Variants in MGAT5 observed in about 807,000 individuals in gnomAD.
MGAT5 encodes the protein alpha-1,6-mannosylglycoprotein 6-beta-N-acetylglucosaminyltransferase.
In MGAT5, 30 loss-of-function variants were observed where a neutral mutation model predicts 94.3. The ratio of observed to expected loss-of-function variants is 0.32; its 90% CI spans 0.24 to 0.43. The LOEUF is 0.43. MGAT5 is among the 20% of genes least tolerant of loss of function. The pLI, the probability that MGAT5 is intolerant of heterozygous loss-of-function variation, is 1.00. For synonymous variants in MGAT5, 310 were observed against 322.9 expected (o/e 0.96, Z 0.43); for missense variants, 691 against 905.5 (o/e 0.76, Z 3.04).
chr2:134,453,962 G>A lies in MGAT5; in HGVS notation c.*5115G>A, dbSNP rs1396769598. On this transcript the variant is annotated 3_prime_UTR_variant, in exon 16 of 16. Coordinates refer to ENST00000281923, the MANE Select transcript of MGAT5 (RefSeq NM_002410.5). ...ATAGATTGCAGGTGTGGAATTTGCT[G>A]GAGTTTGGTGACTTCGTCAAATTCC... 1.3e-5 allele frequency: 2 copies of A among 152,208 alleles called. No homozygotes were observed. Among genetic ancestry groups the A allele is most frequent in the Non-Finnish European group, 2.9e-5 (2 of 68,050 alleles). 9.4% of individuals were successfully genotyped at this position (152,208 alleles called of 1,614,324 possible). A position where few individuals can be genotyped will look rare whatever the true frequency, so the allele number is the denominator to read the frequency against.
intron 6 of MGAT5, among the ~76,000 whole-genome samples, chr2:134,340,621 G>A (rs1241425452): frequency 2.0e-5 from 3 of 152,244 alleles, no homozygotes; most frequent in East Asian, 3.9e-4. Context: ...TATTTACCAG[G>A]CTCCTTCTTT....
intron 6 of MGAT5, among the ~76,000 whole-genome samples, chr2:134,339,903 A>G (rs2105996889): frequency 6.6e-6 from 1 of 152,316 alleles, no homozygotes. Context: ...CTGTAAAAAC[A>G]TCTTAAAACC....
At chr2:134,445,625 A>G (rs968903920) in intron 15 of MGAT5, among the ~76,000 whole-genome samples, 4 of 151,854 alleles carry the variant, frequency 2.6e-5, no homozygotes, top group Admixed American at 1.3e-4. Context: ...GCCTTTTTTT[A>G]TTCTTCAAGA....
intron 9 of MGAT5, among the ~76,000 whole-genome samples, chr2:134,358,172 T>A (rs1305513881): frequency 6.8e-6 from 1 of 146,310 alleles, no homozygotes; most frequent in Non-Finnish European, 1.5e-5. Context: ...CAGTCCTCTC[T>A]CTATCCATCA....
At chr2:134,276,894 G>A (rs758667469) in intron 2 of MGAT5, among the ~76,000 whole-genome samples, 10 of 152,280 alleles carry the variant, frequency 6.6e-5, no homozygotes, top group East Asian at 1.9e-4. Context: ...ATGGGGACAC[G>A]GACAGACCGT....
chr2:134,255,968 A>ATGTGTG (rs890044081), intron 1 of MGAT5, among the ~76,000 whole-genome samples: 1 of 148,826 alleles, frequency 6.7e-6, no homozygotes, highest in Non-Finnish European at 1.5e-5. Context: ...ACGTATGTGT[A>ATGTGTG]TGTGTGTGTG....
At chr2:134,362,143 A>G in intron 9 of MGAT5, 132 bp from the exon 10 acceptor site, 1 of 1,037,778 alleles carries the variant, frequency 9.6e-7, no homozygotes, top group Non-Finnish European at 1.4e-6. Flanking sequence ...CACCTCCCTC[A>G]GGTAAGAAAG....
At chr2:134,305,244 C>T (rs980286154) in intron 2 of MGAT5, among the ~76,000 whole-genome samples, 1 of 152,120 alleles carries the variant, frequency 6.6e-6, no homozygotes, top group Non-Finnish European at 1.5e-5. Flanking sequence ...TCAGTTTATG[C>T]GAGACGGTGA....
intron 14 of MGAT5, among the ~76,000 whole-genome samples, chr2:134,434,485 G>A (rs910385256): frequency 3.0e-4 from 46 of 152,314 alleles, no homozygotes; most frequent in African/African-American, 1.1e-3. Flanking sequence ...AACCAGATTG[G>A]AAATTACTGT....
chr2:134,396,750 G>A lies in MGAT5; in HGVS notation c.1381-6238G>A, dbSNP rs573859723. Reference sequence around the variant, plus strand: ...GCTTGTATTTACTGAGCGCTCGCTCGCCCTGTGCCAGGCCTCTGCCAAGCC... The same window carrying A: ...GCTTGTATTTACTGAGCGCTCGCTCACCCTGTGCCAGGCCTCTGCCAAGCC... On this transcript the variant is annotated intron_variant, in intron 10 of 15. Transcript: ENST00000281923. 3.9e-5 allele frequency among the ~76,000 whole-genome samples: 6 copies of A among 152,292 alleles called. No homozygotes were observed. The East Asian group carries it at 9.7e-4, about 25-fold the overall frequency.
intron 1 of MGAT5, among the ~76,000 whole-genome samples, chr2:134,177,339 T>G (rs1688521001): frequency 6.6e-6 from 1 of 152,164 alleles, no homozygotes; most frequent in Non-Finnish European, 1.5e-5. Context: ...CATCCTGCTG[T>G]AACTGTCATT....
intron 1 of MGAT5, among the ~76,000 whole-genome samples, chr2:134,152,303 CCCG>C (rs1687250579): frequency 9.1e-6 from 1 of 109,794 alleles, no homozygotes; most frequent in Non-Finnish European, 2.1e-5. Context: ...CACCATGGGA[CCCG>C]CTTATCACTC....
chr2:134,387,208 C>T (rs992829197), intron 10 of MGAT5, among the ~76,000 whole-genome samples: 1 of 149,850 alleles, frequency 6.7e-6, no homozygotes, highest in Non-Finnish European at 1.5e-5. Context: ...TTGCAGTGAG[C>T]CGAGATTGCT....
At chr2:134,186,992 G>T (rs1689073879) in intron 1 of MGAT5, among the ~76,000 whole-genome samples, 1 of 152,190 alleles carries the variant, frequency 6.6e-6, no homozygotes, top group Non-Finnish European at 1.5e-5. Flanking sequence ...TGAGCAGAGT[G>T]CCAAGGCAGT....
chr2:134,364,764 A>T (rs1312226203), intron 10 of MGAT5, among the ~76,000 whole-genome samples: 1 of 152,214 alleles, frequency 6.6e-6, no homozygotes, highest in Non-Finnish European at 1.5e-5. Flanking sequence ...AAAAGCCCAA[A>T]AGATGAAAAA....
chr2:134,448,436 C>T (rs190389266), intron 15 of MGAT5, among the ~76,000 whole-genome samples: 2 of 152,336 alleles, frequency 1.3e-5, no homozygotes, highest in East Asian at 3.9e-4. Context: ...CACACCCCTG[C>T]ACACACTCCC....
At chr2:134,121,677 A>T (rs1004699248) in intron 1 of MGAT5, among the ~76,000 whole-genome samples, 1 of 152,202 alleles carries the variant, frequency 6.6e-6, no homozygotes, top group Non-Finnish European at 1.5e-5. Context: ...GGGCAAACTC[A>T]GTTGTGTGTG....
intron 1 of MGAT5, among the ~76,000 whole-genome samples, chr2:134,182,806 A>G (rs1326044961): frequency 1.9e-4 from 8 of 43,026 alleles, no homozygotes; most frequent in Non-Finnish European, 3.1e-4. Context: ...TTTTTTTTTG[A>G]GACAGAGTCT....
At position 134,338,405 on chromosome 2, in the gene MGAT5, G is replaced by GAGAAAGCGGA. The variant is rs1332274179; in HGVS notation, c.799_807+1dup. The GAGAAAGCGGA allele has an allele frequency of 6.2e-7, 1 of 1,601,906 alleles. No individual in the cohort carries two copies. The highest frequency in any genetic ancestry group is 1.3e-5 in the African/African-American group (1 of 74,104). ...TGGCAGAAAAGCAGAACCTTGAAAA[G>GAGAAAGCGGA]AGAAAGCGGAAGAAAGTGAGTTTCT... On this transcript the variant is annotated frameshift_variant, in exon 6 of 16. Coordinates refer to ENST00000281923, the MANE Select transcript of MGAT5 (RefSeq NM_002410.5). LOFTEE classifies it high-confidence loss of function.
Sources: gnomAD v4.1 joint callset for allele counts (sites outside exome capture counted in the v4.1 genomes callset) on GRCh38, gnomAD v4.1.1 for gene constraint, MANE v1.5 for transcripts, NCBI Gene and HGNC (gene_info 2026-07-23, HGNC 2026-07-21) for gene names.